IL1RAPL2: variants seen among roughly 807,000 people sequenced by gnomAD.
The protein encoded by IL1RAPL2 is interleukin 1 receptor accessory protein like 2.
A neutral mutation model predicts 44.1 loss-of-function variants in IL1RAPL2; 3 were observed. The observed-to-expected ratio is 0.07, with a 90% CI of 0.03 to 0.18. IL1RAPL2 has a LOEUF of 0.18. Ranked by LOEUF, IL1RAPL2 falls within the 10% of genes least tolerant of loss-of-function variation. The probability of loss-of-function intolerance (pLI) is 1.00; values close to 1 mark genes in which losing one functional copy is unlikely to be tolerated. For synonymous variants in IL1RAPL2, 181 were observed against 178.8 expected (o/e 1.01, Z -0.10); for missense variants, 391 against 496.4 (o/e 0.79, Z 2.02).
At chrX:105,001,880 C>T (rs191110043) in intron 2 of IL1RAPL2, among the ~76,000 whole-genome samples, 1 of 111,027 alleles carries the variant, frequency 9.0e-6, no homozygotes, top group East Asian at 2.9e-4. Flanking sequence ...TTCATAGGCT[C>T]AGGTTTGCAT....
intron 5 of IL1RAPL2, among the ~76,000 whole-genome samples, chrX:105,385,055 G>T (rs1001855069): frequency 3.6e-5 from 4 of 110,996 alleles, no homozygotes; most frequent in Non-Finnish European, 7.6e-5. Context: ...TTAAAAACAA[G>T]AATAATTTGA....
chrX:104,817,585 A>G (rs1402764737), intron 2 of IL1RAPL2, among the ~76,000 whole-genome samples: 1 of 111,859 alleles, frequency 8.9e-6, no homozygotes, highest in Non-Finnish European at 1.9e-5. Context: ...AAGGCAGCCT[A>G]ATGTAGTTGC....
intron 2 of IL1RAPL2, among the ~76,000 whole-genome samples, chrX:105,104,150 C>G (rs781386433): frequency 9.0e-6 from 1 of 111,168 alleles, no homozygotes; most frequent in Non-Finnish European, 1.9e-5. Flanking sequence ...ACTTCAAGCT[C>G]TTTCTGAGCC....
intron 5 of IL1RAPL2, among the ~76,000 whole-genome samples, chrX:105,397,590 T>C (rs1000005274): frequency 1.8e-5 from 2 of 111,369 alleles, no homozygotes; most frequent in Admixed American, 1.9e-4. Context: ...AAAAAGTGAA[T>C]TGGGAAGAAA....
At chrX:104,634,850 T>A (rs1177924126) in intron 1 of IL1RAPL2, among the ~76,000 whole-genome samples, 2 of 111,860 alleles carry the variant, frequency 1.8e-5, no homozygotes, top group African/African-American at 3.3e-5. Context: ...ACATTTAAGG[T>A]TAATATTATT....
chrX:104,767,527 C>T (rs950363453), intron 2 of IL1RAPL2, among the ~76,000 whole-genome samples: 9 of 111,362 alleles, frequency 8.1e-5, no homozygotes, highest in Non-Finnish European at 9.4e-5. Context: ...ATGAAAATAC[C>T]AAACATCTGC....
At chrX:104,710,410 T>C (rs1274667054) in intron 2 of IL1RAPL2, among the ~76,000 whole-genome samples, 3 of 110,901 alleles carry the variant, frequency 2.7e-5, no homozygotes, top group Non-Finnish European at 5.7e-5. Flanking sequence ...TATATGAAAA[T>C]CCAGAATAAG....
intron 2 of IL1RAPL2, among the ~76,000 whole-genome samples, chrX:104,735,814 A>T (rs1932002836): frequency 1.8e-5 from 2 of 111,472 alleles, no homozygotes; most frequent in Non-Finnish European, 1.9e-5. Context: ...CAATGCTGTG[A>T]TACACAAGCT....
intron 2 of IL1RAPL2, among the ~76,000 whole-genome samples, chrX:104,731,655 G>A (rs763264396): frequency 2.7e-5 from 3 of 111,236 alleles, no homozygotes; most frequent in Non-Finnish European, 3.8e-5. Flanking sequence ...CACCTGCCTC[G>A]GCCTCCCAAA....
At chrX:105,396,272 A>C (rs2147732819) in intron 5 of IL1RAPL2, among the ~76,000 whole-genome samples, 1 of 108,728 alleles carries the variant, frequency 9.2e-6, no homozygotes, top group East Asian at 3.0e-4. Flanking sequence ...ACACTAAGTA[A>C]ATATAATGAT....
At chrX:105,231,081 C>A (rs977395066) in intron 3 of IL1RAPL2, among the ~76,000 whole-genome samples, 6 of 112,081 alleles carry the variant, frequency 5.4e-5, no homozygotes, top group Admixed American at 9.5e-5. Context: ...GTCTCTTTCA[C>A]CTGTATGAGT....
At chrX:104,677,333 C>T (rs1372520792) in intron 2 of IL1RAPL2, among the ~76,000 whole-genome samples, 2 of 109,771 alleles carry the variant, frequency 1.8e-5, no homozygotes, top group Non-Finnish European at 3.8e-5. Context: ...CCCTCAGCTG[C>T]AGGTCTGTTG....
At chrX:104,964,394 C>G (rs1213645790) in intron 2 of IL1RAPL2, among the ~76,000 whole-genome samples, 2 of 107,906 alleles carry the variant, frequency 1.9e-5, no homozygotes, top group Non-Finnish European at 3.8e-5. Flanking sequence ...TCACTGCAAG[C>G]TCCACCTCCT....
chrX:105,684,810 C>CT (rs1197441758), intron 6 of IL1RAPL2, among the ~76,000 whole-genome samples: 3 of 22 alleles, frequency 0.14, no homozygotes, highest in Non-Finnish European at 0.14. Context: ...TAGGCAGCTG[C>CT]CCTCTGGGAT....
intron 2 of IL1RAPL2, among the ~76,000 whole-genome samples, chrX:104,945,846 C>G (rs1382601271): frequency 9.0e-6 from 1 of 110,881 alleles, no homozygotes; most frequent in East Asian, 2.8e-4. Context: ...TTAATGTGCT[C>G]CAAACTATAT....
At chrX:104,962,841 C>T (rs747135738) in intron 2 of IL1RAPL2, among the ~76,000 whole-genome samples, 1 of 112,202 alleles carries the variant, frequency 8.9e-6, no homozygotes, top group South Asian at 3.7e-4. Flanking sequence ...GCCTCTGCTT[C>T]CCCTATTTGG....
At chrX:104,702,522 C>A (rs1020070889) in intron 2 of IL1RAPL2, among the ~76,000 whole-genome samples, 1 of 112,367 alleles carries the variant, frequency 8.9e-6, no homozygotes, top group Non-Finnish European at 1.9e-5. Flanking sequence ...TTGCTTCAGA[C>A]TGACTGATTA....
chrX:104,619,675 A>G (rs1352199942), intron 1 of IL1RAPL2, among the ~76,000 whole-genome samples: 1 of 112,410 alleles, frequency 8.9e-6, no homozygotes, highest in Non-Finnish European at 1.9e-5. Context: ...ATGAAACTGT[A>G]TTGCTACTGA....
At chrX:104,840,723 G>A (rs1208594872) in intron 2 of IL1RAPL2, among the ~76,000 whole-genome samples, 1 of 107,202 alleles carries the variant, frequency 9.3e-6, no homozygotes, top group Non-Finnish European at 1.9e-5. Context: ...TGCCCAGGCT[G>A]GAGTGCAATG....
Sources: allele counts gnomAD v4.1 joint callset (sites outside exome capture counted in the v4.1 genomes callset), GRCh38; gene constraint gnomAD v4.1.1; transcripts MANE v1.5; gene names NCBI Gene and HGNC (gene_info 2026-07-23, HGNC 2026-07-21).